The following SYNE1 variants were observed in gnomAD, a reference collection of about 807,000 sequenced individuals.
SYNE1 encodes the protein nesprin-1.
SYNE1 carries 616 observed loss-of-function variants against 1,111.0 expected under a neutral mutation model. That is an observed-to-expected ratio of 0.55 (90% CI 0.52 to 0.59). The LOEUF (loss-of-function observed/expected upper bound fraction) is 0.59. SYNE1 is among the 20% of genes least tolerant of loss of function. The probability of loss-of-function intolerance (pLI) is 0.00; values close to 1 mark genes in which losing one functional copy is unlikely to be tolerated. For synonymous variants in SYNE1, 3,855 were observed against 3,825.8 expected, an observed-to-expected ratio of 1.01 and a Z score of -0.28; for missense variants, 10,006 against 10,417.0, an observed-to-expected ratio of 0.96 and a Z score of 1.72.
At position 152,606,976 on chromosome 6, in the gene SYNE1, C is replaced by CTTTT. The variant is rs11387272; in HGVS notation, c.67+21288_67+21289insAAAA. Among the ~76,000 whole-genome samples the CTTTT allele has an allele frequency of 2.6e-3, 287 of 109,058 alleles. 21 individuals carry two copies. The highest frequency in any genetic ancestry group is 6.7e-3 in the Middle Eastern group (1 of 150). The allele number at this position is 109,058 out of a possible 152,430, so 71.5% of individuals were successfully genotyped here. A position where few individuals can be genotyped will look rare whatever the true frequency, so the allele number is the denominator to read the frequency against. ...GCAAAAGGAAAGGCATGCCTCGGTT[C>CTTTT]TCTTTTTTTTTTTTTTTTTTTTTTT... On this transcript the variant is annotated intron_variant, in intron 3 of 145. Coordinates refer to ENST00000367255, the MANE Select transcript of SYNE1 (RefSeq NM_182961.4).
At chr6:152,322,695 C>T (rs2095903392) in intron 82 of SYNE1, among the ~76,000 whole-genome samples, 1 of 152,152 alleles carries the variant, frequency 6.6e-6, no homozygotes, top group African/African-American at 2.4e-5. Context: ...CACCCTTCCC[C>T]TCCCCGCATC....
At chr6:152,438,249 A>G (rs990971428) in intron 32 of SYNE1, among the ~76,000 whole-genome samples, 1 of 152,180 alleles carries the variant, frequency 6.6e-6, no homozygotes, top group African/African-American at 2.4e-5. Flanking sequence ...ATCTCTTAGA[A>G]TCCCATGAAT....
At position 152,325,430 on chromosome 6, in the gene SYNE1, C is replaced by G. The variant is rs933597525; in HGVS notation, c.15439-128G>C. On this transcript the variant is annotated intron_variant, in intron 80 of 145. Transcript: ENST00000367255. ...GGAAATGTTTCTACATACGTTTATT[C>G]TCCTCTAGGTACTCTTACTTTTATG... 31 of 841,948 alleles carry G rather than the reference C, an allele frequency of 3.7e-5. No individual in the cohort carries two copies. The African/African-American group carries it at 4.6e-4, about 12-fold the overall frequency. The allele number at this position is 841,948 out of a possible 1,614,324, so 52.2% of individuals were successfully genotyped here.
At position 152,449,657 on chromosome 6, in the gene SYNE1, C is replaced by T. The variant is rs762618601; in HGVS notation, c.3396-16G>A. The T allele has an allele frequency of 7.7e-6, 12 of 1,568,052 alleles. No homozygotes were observed. In the African/African-American group the frequency reaches 9.5e-5, roughly 12 times the overall value. ...CTCAGAGAATCTGAAATAACATAAG[C>T]ACTTTCTTATTAAAGGGAGAACATA... On this transcript the variant is annotated splice_polypyrimidine_tract_variant and intron_variant, in intron 27 of 145. Coordinates refer to ENST00000367255, the MANE Select transcript of SYNE1 (RefSeq NM_182961.4).
In SYNE1 at chr6:152,213,738, T is replaced by C. The variant is rs745722568; in HGVS notation, c.22368A>G (p.Leu7456=). The C allele has an allele frequency of 3.1e-6, 5 of 1,614,086 alleles. No individual in the cohort carries two copies. The highest frequency in any genetic ancestry group is 4.2e-6 in the Non-Finnish European group (5 of 1,179,990). Residue 7456 remains leucine (L), a synonymous_variant, in exon 123 of 146, where the codon CTA becomes CTG. Transcript: ENST00000367255. The part of the protein sequence containing the change: ...ERFSKLQSFL[L]QHQTFLEKCE... The stretch of plus-strand genomic sequence containing the variant: ...ATTTTTCCAAGAAAGTCTGATGTTG[T>C]AGCAAAAATGACTGCAACTTGCTGA...
chr6:152,500,674 G>T (rs1022376690), intron 10 of SYNE1, among the ~76,000 whole-genome samples: 9 of 152,102 alleles, frequency 5.9e-5, no homozygotes, highest in Non-Finnish European at 1.3e-4. Flanking sequence ...TATTGACCAG[G>T]TGTGGTGGCT....
At chr6:152,448,439 ATTTT>A (rs112863750) in intron 28 of SYNE1, among the ~76,000 whole-genome samples, 1 of 151,802 alleles carries the variant, frequency 6.6e-6, no homozygotes, top group African/African-American at 2.4e-5. Context: ...TAGGATGTGA[ATTTT>A]TTTTTGTGCG....
intron 39 of SYNE1, among the ~76,000 whole-genome samples, chr6:152,422,338 C>T (rs1592362471): frequency 6.6e-6 from 1 of 152,186 alleles, no homozygotes; most frequent in African/African-American, 2.4e-5. Context: ...ATTTGCAATG[C>T]CACTTTCTGG....
chr6:152,346,462 C>T (rs568207363), intron 73 of SYNE1, among the ~76,000 whole-genome samples: 47 of 152,146 alleles, frequency 3.1e-4, no homozygotes, highest in African/African-American at 9.6e-4. Flanking sequence ...CCACCATGCC[C>T]GGCCCAAATC....
intron 3 of SYNE1, among the ~76,000 whole-genome samples, chr6:152,570,628 T>C (rs1009886691): frequency 1.3e-5 from 2 of 152,124 alleles, no homozygotes; most frequent in African/African-American, 4.8e-5. Context: ...CCAACAAACT[T>C]CGGGATGGGT....
At chr6:152,308,464 G>A (rs971788210) in intron 91 of SYNE1, 25 bp downstream of exon 91, 18 of 1,613,734 alleles carry the variant, frequency 1.1e-5, no homozygotes, top group African/African-American at 4.0e-5. Context: ...TCCTGCCCTC[G>A]GTATTTCGCC....
rs764891713 is a variant in SYNE1 at position 152,330,199 on chromosome 6, C to A, written c.14486G>T (p.Gly4829Val). Residue 4829 changes from glycine (G) to valine (V), a missense_variant, in exon 78 of 146, where the codon GGG (glycine) becomes GTG (valine). Transcript: ENST00000367255. ...HSLAGSLQDS[G>V]IVLKRVTIHL... ...TATGGTTACTCGTTTCAGTACAATCCCTGAGTCCTGGAGACTTCCTGCCAG... is the reference window on the plus strand; with the variant it reads ...TATGGTTACTCGTTTCAGTACAATCACTGAGTCCTGGAGACTTCCTGCCAG... 6.2e-7 allele frequency: 1 copy of A among 1,614,000 alleles called. No individual in the cohort carries two copies. Among genetic ancestry groups the A allele is most frequent in the East Asian group, 2.2e-5 (1 of 44,888 alleles).
At chr6:152,383,028 G>A (rs960662889) in intron 55 of SYNE1, among the ~76,000 whole-genome samples, 10 of 152,108 alleles carry the variant, frequency 6.6e-5, no homozygotes, top group Non-Finnish European at 4.4e-5. Context: ...TATTCCTGTG[G>A]ATGTGATAGG....
chr6:152,145,176 A>G, intron 137 of SYNE1: 1 of 394,792 alleles, frequency 2.5e-6, no homozygotes, highest in Non-Finnish European at 4.8e-6. Context: ...GTAGAACACT[A>G]GGGCGCAGAG....
intron 3 of SYNE1, among the ~76,000 whole-genome samples, chr6:152,597,778 T>A (rs891691129): frequency 4.6e-5 from 7 of 152,202 alleles, no homozygotes; most frequent in African/African-American, 1.7e-4. Context: ...TGCTTAAATA[T>A]GTAGTATATA....
intron 71 of SYNE1, 21 bp downstream of exon 71, chr6:152,350,597 G>C (rs755201443): frequency 6.2e-7 from 1 of 1,614,066 alleles, no homozygotes; most frequent in Admixed American, 1.7e-5. Flanking sequence ...CCCTTTTACG[G>C]AGTCTTTCAT....
At chr6:152,383,939 G>A (rs2097475799) in intron 55 of SYNE1, among the ~76,000 whole-genome samples, 1 of 152,114 alleles carries the variant, frequency 6.6e-6, no homozygotes, top group Non-Finnish European at 1.5e-5. Flanking sequence ...ATAGTCCTGT[G>A]GATTCTAGGC....
chr6:152,125,462 T>G (rs2053069942), intron 145 of SYNE1: 1 of 1,340,714 alleles, frequency 7.5e-7, no homozygotes, highest in Admixed American at 2.7e-5. Context: ...AATTAGTCTC[T>G]CTGGCCTTCA....
intron 127 of SYNE1, 96 bp downstream of exon 127, chr6:152,201,728 A>C: frequency 6.3e-7 from 1 of 1,577,778 alleles, no homozygotes. Flanking sequence ...TTGTATCTGC[A>C]TGTAGATAAC....
Sources: allele counts gnomAD v4.1 joint callset (sites outside exome capture counted in the v4.1 genomes callset), GRCh38; gene constraint gnomAD v4.1.1; transcripts MANE v1.5; gene names NCBI Gene and HGNC (gene_info 2026-07-23, HGNC 2026-07-21).